Variants in FEZ1 observed in about 807,000 individuals in gnomAD.
FEZ1 encodes the protein fasciculation and elongation protein zeta 1.
In FEZ1, 20 loss-of-function variants were observed where a neutral mutation model predicts 49.3. That is an observed-to-expected ratio of 0.41 (90% CI 0.29 to 0.59). The LOEUF (loss-of-function observed/expected upper bound fraction) is 0.59, where lower values mean the gene tolerates loss of function less well. Ranked by LOEUF, FEZ1 falls within the 20% of genes least tolerant of loss-of-function variation. FEZ1 has a pLI of 0.36. For missense variants in FEZ1, 413 were observed against 476.0 expected (o/e 0.87, Z 1.23); for synonymous variants, 170 against 180.9 (o/e 0.94, Z 0.48).
At chr11:125,472,030 A>G (rs1957188143) in intron 3 of FEZ1, among the ~76,000 whole-genome samples, 1 of 152,150 alleles carries the variant, frequency 6.6e-6, no homozygotes, top group Admixed American at 6.5e-5. Context: ...TAAAGAAGAA[A>G]TTGCAAGAAA....
chr11:125,495,513 C>T lies in FEZ1; in HGVS notation c.-46+608G>A, dbSNP rs113208516. Reference sequence around the variant, plus strand: ...CCGCCCGTCTGTAGTAAAACAATCGCTCTCCCGGCGTCTGCGGCCGCTGCC... The same window carrying T: ...CCGCCCGTCTGTAGTAAAACAATCGTTCTCCCGGCGTCTGCGGCCGCTGCC... On this transcript the variant is annotated intron_variant, in intron 1 of 9. Transcript: ENST00000278919. This position sits in a 1 kb window ranked among gnomAD's most constrained non-coding sequence, Gnocchi z 4.2. 129 of 471,152 alleles carry T rather than the reference C, an allele frequency of 2.7e-4. 3 individuals are homozygous for T. The highest frequency in any genetic ancestry group is 2.2e-3 in the African/African-American group (111 of 50,216). 29.2% of individuals were successfully genotyped at this position (471,152 alleles called of 1,614,324 possible). A position where few individuals can be genotyped will look rare whatever the true frequency, so the allele number is the denominator to read the frequency against.
Position 125,495,774 on chromosome 11 carries a change from G to T in FEZ1, c.-46+347C>A. 1 of 355,038 alleles carries T rather than the reference G, an allele frequency of 2.8e-6. No individual in the cohort carries two copies. Among genetic ancestry groups the T allele is most frequent in the Non-Finnish European group, 5.5e-6 (1 of 180,612 alleles). 22.0% of individuals were successfully genotyped at this position (355,038 alleles called of 1,614,324 possible). On this transcript the variant is annotated intron_variant, in intron 1 of 9. Coordinates refer to ENST00000278919, the MANE Select transcript of FEZ1 (RefSeq NM_005103.5). This position sits in a 1 kb window ranked among gnomAD's most constrained non-coding sequence, Gnocchi z 4.2. The stretch of plus-strand genomic sequence containing the variant: ...CTCGCCGCCCTGCCTTCACACGCGC[G>T]CACACACGCGGGCACACACACGCGG...
intron 5 of FEZ1, among the ~76,000 whole-genome samples, chr11:125,459,858 AGGC>A (rs1957056593): frequency 6.6e-6 from 1 of 152,180 alleles, no homozygotes; most frequent in African/African-American, 2.4e-5. Context: ...GCACTTTGGG[AGGC>A]TGAGGCAGGC....
At chr11:125,462,091 C>T (rs1476295635) in intron 4 of FEZ1, among the ~76,000 whole-genome samples, 1 of 152,304 alleles carries the variant, frequency 6.6e-6, no homozygotes. Context: ...CTTCAGTCTC[C>T]TAATCCTCAC....
At chr11:125,483,226 A>G (rs1327332649) in intron 2 of FEZ1, among the ~76,000 whole-genome samples, 5 of 152,158 alleles carry the variant, frequency 3.3e-5, no homozygotes, top group African/African-American at 9.7e-5. Context: ...TTTTGTTTGT[A>G]TCAGGAATGC....
intron 2 of FEZ1, among the ~76,000 whole-genome samples, chr11:125,484,435 G>GC (rs374703506): frequency 3.5e-4 from 54 of 152,276 alleles, no homozygotes; most frequent in African/African-American, 1.3e-3. Context: ...TCTGTAATTG[G>GC]CATCGGTATG....
chr11:125,471,431 T>C (rs1957181928), intron 3 of FEZ1, among the ~76,000 whole-genome samples: 1 of 147,990 alleles, frequency 6.8e-6, no homozygotes, highest in African/African-American at 2.5e-5. Context: ...TTGAGATAGA[T>C]ACACACACAC....
At chr11:125,455,088 A>G (rs1348835896) in intron 6 of FEZ1, among the ~76,000 whole-genome samples, 5 of 151,552 alleles carry the variant, frequency 3.3e-5, no homozygotes, top group Non-Finnish European at 7.4e-5. Context: ...AAATAGAACA[A>G]TAGAACAATA....
At chr11:125,464,677 C>T (rs1473078923) in intron 3 of FEZ1, among the ~76,000 whole-genome samples, 1 of 152,148 alleles carries the variant, frequency 6.6e-6, no homozygotes, top group African/African-American at 2.4e-5. Flanking sequence ...TAACAGAGCA[C>T]ATCACCTTTT....
chr11:125,492,595 T>C (rs1957392058), intron 1 of FEZ1, among the ~76,000 whole-genome samples: 1 of 152,236 alleles, frequency 6.6e-6, no homozygotes, highest in Non-Finnish European at 1.5e-5. Context: ...GCTAAGAGCA[T>C]AGGCTTTGGG....
Position 125,446,109 on chromosome 11 carries a change from G to A in FEZ1, c.1165C>T (p.Leu389Phe), listed in dbSNP as rs755099205. ...AAAGGGCAAGGTTAGGTAGGGCAGAGCACTGCAACGAGAAGAGAGGAGGGG... is the reference window on the plus strand; with the variant it reads ...AAAGGGCAAGGTTAGGTAGGGCAGAACACTGCAACGAGAAGAGAGGAGGGG... ...TLLTDYILKVLCPT is the reference protein window; with the variant it reads ...TLLTDYILKVFCPT Residue 389 changes from leucine to phenylalanine, a missense_variant and splice_region_variant, in exon 10 of 10, where the codon CTC becomes TTC. Transcript: ENST00000278919. The A allele has an allele frequency of 1.9e-6, 3 of 1,613,988 alleles. No homozygotes were observed. The highest frequency in any genetic ancestry group is 1.6e-4 in the Middle Eastern group (1 of 6,062).
intron 2 of FEZ1, among the ~76,000 whole-genome samples, chr11:125,486,004 G>T (rs1957323709): frequency 6.6e-6 from 1 of 152,136 alleles, no homozygotes; most frequent in Non-Finnish European, 1.5e-5. Flanking sequence ...CAACTTTCTA[G>T]ATGTCCTCAA....
At chr11:125,485,533 A>C (rs1044764429) in intron 2 of FEZ1, among the ~76,000 whole-genome samples, 1 of 152,152 alleles carries the variant, frequency 6.6e-6, no homozygotes, top group African/African-American at 2.4e-5. Context: ...CATTTCCCTC[A>C]AGCCTGGCTA....
intron 2 of FEZ1, among the ~76,000 whole-genome samples, chr11:125,481,931 G>A (rs1957283474): frequency 6.6e-6 from 1 of 152,120 alleles, no homozygotes; most frequent in Non-Finnish European, 1.5e-5. Context: ...CTCTGGCTCT[G>A]AAAATAAATC....
rs1195110985 is a variant in FEZ1 at position 125,444,561 on chromosome 11, A to G, written c.*1534T>C. ...GATAGCGCCATTGTACTCCAGCCTG[A>G]GCAACAAGAGTCAAACTCCGTCTGA... is the stretch of plus-strand genomic sequence containing the variant. On this transcript the variant is annotated 3_prime_UTR_variant, in exon 10 of 10. Transcript: ENST00000278919. Among the ~76,000 whole-genome samples the G allele has an allele frequency of 1.3e-5, 2 of 151,876 alleles. No individual in the cohort carries two copies. Among genetic ancestry groups the G allele is most frequent in the Non-Finnish European group, 2.9e-5 (2 of 67,962 alleles).
rs529522513 is a variant in FEZ1, at chr11:125,443,201, C to A, written c.*2894G>T. On this transcript the variant is annotated 3_prime_UTR_variant, in exon 10 of 10. Transcript: ENST00000278919. Reference sequence around the variant, plus strand: ...GCTCTCTGGCACACTTTGCGGAGTGCGGACATCCTAGACAGGACTTGAGTT... The same window carrying A: ...GCTCTCTGGCACACTTTGCGGAGTGAGGACATCCTAGACAGGACTTGAGTT... 7.2e-5 allele frequency among the ~76,000 whole-genome samples: 11 copies of A among 152,086 alleles called. No individual in the cohort carries two copies. Among genetic ancestry groups the A allele is most frequent in the Non-Finnish European group, 1.5e-4 (10 of 68,004 alleles).
intron 3 of FEZ1, among the ~76,000 whole-genome samples, chr11:125,479,933 T>C (rs6590146): frequency 0.17 from 26,198 of 152,204 alleles, 2,391 homozygotes; most frequent in East Asian, 0.3. Context: ...TTCTGAAAGG[T>C]CACCCCCTTT....
At chr11:125,481,442 C>T (rs1281899417) in intron 3 of FEZ1, 92 bp downstream of exon 3, 4 of 832,732 alleles carry the variant, frequency 4.8e-6, no homozygotes, top group Non-Finnish European at 8.5e-6. Context: ...CCTCCATCAA[C>T]AATTTTGAGG....
chr11:125,464,687 T>G (rs1048376243), intron 3 of FEZ1, among the ~76,000 whole-genome samples: 1 of 151,926 alleles, frequency 6.6e-6, no homozygotes, highest in African/African-American at 2.4e-5. Context: ...CATCACCTTT[T>G]ATCTCCATTT....
Sources: allele counts gnomAD v4.1 joint callset (sites outside exome capture counted in the v4.1 genomes callset), GRCh38; gene constraint gnomAD v4.1.1; non-coding constraint Gnocchi (gnomAD v3.1); transcripts MANE v1.5; gene names NCBI Gene and HGNC (gene_info 2026-07-23, HGNC 2026-07-21).